ELOVL2: variants seen among roughly 807,000 people sequenced by gnomAD.
ELOVL2 encodes very long chain fatty acid elongase 2.
In ELOVL2, 38 loss-of-function variants were observed where a neutral mutation model predicts 37.7. That is an observed-to-expected ratio of 1.01 (90% CI 0.78 to 1.32). The LOEUF (loss-of-function observed/expected upper bound fraction) is 1.32. Ranked by LOEUF, ELOVL2 falls within the 40% of genes most tolerant of loss-of-function variation. The pLI is 0.00. For missense variants in ELOVL2, 352 were observed against 363.6 expected, an observed-to-expected ratio of 0.97 and a Z score of 0.26; for synonymous variants, 115 against 122.3, an observed-to-expected ratio of 0.94 and a Z score of 0.40.
At chr6:11,005,671 A>G (rs1782469703) in intron 2 of ELOVL2, 112 bp from the exon 3 acceptor site, 2 of 866,206 alleles carry the variant, frequency 2.3e-6, no homozygotes, top group Non-Finnish European at 3.5e-6. Flanking sequence ...GAACAACTCC[A>G]TACAACATTA....
In ELOVL2 at chr6:10,981,198, A is replaced by G. The variant is rs1781928990; in HGVS notation, c.*2583T>C. ...GTTAGTTTAAAAAATTGGGGGAATT[A>G]TTAATAGATATGCTTTACAGTATTT... On this transcript the variant is annotated 3_prime_UTR_variant, in exon 8 of 8. Transcript: ENST00000354666. 6.6e-6 allele frequency: 1 copy of G among 152,290 alleles called. No homozygotes were observed. Among genetic ancestry groups the G allele is most frequent in the African/African-American group, 2.4e-5 (1 of 41,470 alleles). The allele number at this position is 152,290 out of a possible 1,614,324, so 9.4% of individuals were successfully genotyped here.
chr6:11,004,779 G>A (rs112433788), intron 3 of ELOVL2, among the ~76,000 whole-genome samples: 260 of 152,320 alleles, frequency 1.7e-3, no homozygotes, highest in African/African-American at 5.9e-3. Context: ...ATCCTAATCT[G>A]TAAAAGGAGA....
At position 10,990,453 on chromosome 6, in the gene ELOVL2, A is replaced by T. The variant is rs1241543463; in HGVS notation, c.506-11T>A. 1 of 1,579,230 alleles carries T rather than the reference A, an allele frequency of 6.3e-7. No homozygotes were observed. On this transcript the variant is annotated splice_polypyrimidine_tract_variant and intron_variant, in intron 5 of 7. Coordinates refer to ENST00000354666, the MANE Select transcript of ELOVL2 (RefSeq NM_017770.4). Reference sequence around the variant, plus strand: ...TTGGTCCAAAGAAACCTATAAAAGTACAGTATAAAAATCACTATTCTTCCA... The same window carrying T: ...TTGGTCCAAAGAAACCTATAAAAGTTCAGTATAAAAATCACTATTCTTCCA...
In ELOVL2 at chr6:10,988,102, G is replaced by A. The variant is rs192991349; in HGVS notation, c.765+1601C>T. 4.1e-4 allele frequency among the ~76,000 whole-genome samples: 62 copies of A among 152,314 alleles called. 1 individual carries two copies. The highest frequency in any genetic ancestry group is 3.7e-3 in the Admixed American group (57 of 15,298). On this transcript the variant is annotated intron_variant, in intron 7 of 7. Coordinates refer to ENST00000354666, the MANE Select transcript of ELOVL2 (RefSeq NM_017770.4). The stretch of plus-strand genomic sequence containing the variant: ...CACTTAGCGTTTATTGGGAAGTTGG[G>A]GGCAGGGGTTTGCACACCCACACAT...
chr6:11,032,393 G>C (rs377723708), intron 1 of ELOVL2, among the ~76,000 whole-genome samples: 1 of 150,408 alleles, frequency 6.6e-6, no homozygotes, highest in South Asian at 2.1e-4. Context: ...GGCCTCTATA[G>C]GGTCACATAA....
intron 4 of ELOVL2, among the ~76,000 whole-genome samples, chr6:10,998,172 A>G (rs1429992301): frequency 1.3e-5 from 2 of 152,132 alleles, no homozygotes; most frequent in African/African-American, 4.8e-5. Flanking sequence ...GGGCCTCATC[A>G]GAAGTAGATA....
intron 1 of ELOVL2, among the ~76,000 whole-genome samples, chr6:11,034,166 C>T (rs1015351188): frequency 6.6e-5 from 10 of 152,146 alleles, no homozygotes; most frequent in African/African-American, 2.4e-4. Context: ...TATAACCTCC[C>T]TATCCAGTCT....
At chr6:10,990,268 T>TC (rs1196838177) in intron 6 of ELOVL2, 50 bp downstream of exon 6, 1 of 1,586,566 alleles carries the variant, frequency 6.3e-7, no homozygotes, top group Non-Finnish European at 8.5e-7. Flanking sequence ...CTATTTCCTT[T>TC]CCCCATCCAT....
chr6:10,989,976 G>A, intron 6 of ELOVL2, 139 bp from the exon 7 acceptor site: 1 of 956,952 alleles, frequency 1.0e-6, no homozygotes, highest in Non-Finnish European at 1.5e-6. Flanking sequence ...TGCTGAAGCA[G>A]CCCCCTCATC....
At chr6:10,985,122 G>T (rs1165107624) in intron 7 of ELOVL2, among the ~76,000 whole-genome samples, 1 of 152,194 alleles carries the variant, frequency 6.6e-6, no homozygotes, top group Non-Finnish European at 1.5e-5. Flanking sequence ...CAGTGATGGT[G>T]AGCATTTTTT....
chr6:11,026,755 G>A (rs1393981636), intron 1 of ELOVL2, among the ~76,000 whole-genome samples: 1 of 152,156 alleles, frequency 6.6e-6, no homozygotes, highest in Non-Finnish European at 1.5e-5. Flanking sequence ...AGAATAACAG[G>A]ATTTATTGCC....
chr6:11,032,593 AG>A (rs1414581830), intron 1 of ELOVL2, among the ~76,000 whole-genome samples: 1 of 152,222 alleles, frequency 6.6e-6, no homozygotes, highest in African/African-American at 2.4e-5. Flanking sequence ...ATCACTTACT[AG>A]TTTATGACTC....
intron 1 of ELOVL2, among the ~76,000 whole-genome samples, chr6:11,032,920 A>C (rs547711045): frequency 1.5e-4 from 23 of 152,374 alleles, no homozygotes; most frequent in Non-Finnish European, 3.1e-4. Flanking sequence ...ATGTGGTAGA[A>C]AGTTCCTCTG....
chr6:10,989,626 C>T lies in ELOVL2; in HGVS notation c.765+77G>A, dbSNP rs565248554. On this transcript the variant is annotated intron_variant, in intron 7 of 7. Transcript: ENST00000354666. Reference sequence around the variant, plus strand: ...TGCACTCCAGCCTGGGCAATAAGAGCGAAACTCTGTCTCCAAAAAAAAAAA... The same window carrying T: ...TGCACTCCAGCCTGGGCAATAAGAGTGAAACTCTGTCTCCAAAAAAAAAAA... The T allele has an allele frequency of 7.1e-5, 104 of 1,462,474 alleles. 1 individual carries two copies. The highest frequency in any genetic ancestry group is 7.9e-5 in the Non-Finnish European group (84 of 1,066,264). The allele number at this position is 1,462,474 out of a possible 1,614,324, so 90.6% of individuals were successfully genotyped here.
In ELOVL2 at chr6:10,990,341, T is replaced by G; in HGVS notation, c.607A>C (p.Lys203Gln). ...ACCAGCTGAGCCTGTGTGAGATATTTCTTCCACCAAAGATACTTGTGCATA... is the reference window on the plus strand; with the variant it reads ...ACCAGCTGAGCCTGTGTGAGATATTGCTTCCACCAAAGATACTTGTGCATA... ...PSMHKYLWWK[K>Q]YLTQAQLVQF... Residue 203 changes from lysine (K) to glutamine (Q), a missense_variant, in exon 6 of 8, where the codon AAA (lysine) becomes CAA (glutamine). Lys to Gln is a moderately conservative substitution (Grantham distance 53). Coordinates refer to ENST00000354666, the MANE Select transcript of ELOVL2 (RefSeq NM_017770.4). 6.2e-7 allele frequency: 1 copy of G among 1,612,762 alleles called. No homozygotes were observed. The highest frequency in any genetic ancestry group is 8.5e-7 in the Non-Finnish European group (1 of 1,179,620).
chr6:11,042,359 A>T (rs1561731716), intron 1 of ELOVL2, among the ~76,000 whole-genome samples: 2 of 150,120 alleles, frequency 1.3e-5, no homozygotes, highest in East Asian at 2.0e-4. Flanking sequence ...TTTGGGTATT[A>T]AAAAAAAATT....
intron 3 of ELOVL2, among the ~76,000 whole-genome samples, chr6:11,004,789 A>T (rs1782450766): frequency 6.6e-6 from 1 of 152,206 alleles, no homozygotes; most frequent in African/African-American, 2.4e-5. Flanking sequence ...GTAAAAGGAG[A>T]AAATTGTAAC....
intron 3 of ELOVL2, among the ~76,000 whole-genome samples, chr6:11,000,722 C>G (rs573570651): frequency 1.4e-4 from 21 of 152,322 alleles, no homozygotes; most frequent in African/African-American, 4.6e-4. Flanking sequence ...CCATTACTCT[C>G]AAAAACCAAC....
rs1441467305 is a variant in ELOVL2, at chr6:11,033,109, C to T, written c.3+11119G>A. On this transcript the variant is annotated intron_variant, in intron 1 of 7. Transcript: ENST00000354666. ...CCAGCCAGGCTGGTCTATTTACTGCCCCTAAATGTCTACCTATCTTGCCCC... is the reference window on the plus strand; with the variant it reads ...CCAGCCAGGCTGGTCTATTTACTGCTCCTAAATGTCTACCTATCTTGCCCC... 3.9e-5 allele frequency among the ~76,000 whole-genome samples: 6 copies of T among 152,216 alleles called. No individual in the cohort carries two copies. The East Asian group carries it at 9.7e-4, about 25-fold the overall frequency.
Sources: allele counts gnomAD v4.1 joint callset (sites outside exome capture counted in the v4.1 genomes callset), GRCh38; gene constraint gnomAD v4.1.1; transcripts MANE v1.5; gene names NCBI Gene and HGNC (gene_info 2026-07-23, HGNC 2026-07-21).